The following TENT5D variants were observed in gnomAD, a reference collection of about 807,000 sequenced individuals.
TENT5D encodes cancer/testis antigen 112.
For synonymous variants in TENT5D, 103 were observed against 100.6 expected (o/e 1.02, Z -0.15); for missense variants, 191 against 287.0 (o/e 0.67, Z 2.42).
chrX:80,405,978 C>CG (rs1330056504), intron 3 of TENT5D, among the ~76,000 whole-genome samples: 1 of 108,847 alleles, frequency 9.2e-6, no homozygotes, highest in Non-Finnish European at 1.9e-5. Flanking sequence ...AGGCACCCCC[C>CG]AGCAGGGGCA....
chrX:80,354,060 A>G (rs1476587785), intron 3 of TENT5D, among the ~76,000 whole-genome samples: 1 of 111,155 alleles, frequency 9.0e-6, no homozygotes, highest in Non-Finnish European at 1.9e-5. Flanking sequence ...GCATTTTTTC[A>G]TATGCTTGCT....
intron 3 of TENT5D, among the ~76,000 whole-genome samples, chrX:80,405,413 G>T (rs952875890): frequency 9.0e-6 from 1 of 111,207 alleles, no homozygotes; most frequent in South Asian, 3.7e-4. Context: ...TGCGCGAGCC[G>T]AAGCAGGGCG....
At chrX:80,379,577 C>G (rs1380490983) in intron 3 of TENT5D, among the ~76,000 whole-genome samples, 2 of 111,110 alleles carry the variant, frequency 1.8e-5, no homozygotes, top group African/African-American at 6.5e-5. Context: ...GGCTGTGAAT[C>G]CATCTGGTCC....
At chrX:80,386,312 C>G (rs1231371592) in intron 3 of TENT5D, among the ~76,000 whole-genome samples, 1 of 110,524 alleles carries the variant, frequency 9.0e-6, no homozygotes, top group East Asian at 2.9e-4. Context: ...TCTCAGCAAA[C>G]TATCACAATG....
intron 2 of TENT5D, among the ~76,000 whole-genome samples, chrX:80,339,464 A>C (rs186997507): frequency 0.011 from 1,261 of 111,402 alleles, 12 homozygotes; most frequent in Middle Eastern, 0.028. Flanking sequence ...CTGGTGTTTT[A>C]GGTTTAATTT....
At chrX:80,423,280 G>T (rs1351561580) in intron 1 of TENT5D, among the ~76,000 whole-genome samples, 1 of 111,960 alleles carries the variant, frequency 8.9e-6, no homozygotes. Flanking sequence ...AGCAAAATAT[G>T]TAGCAGTATT....
chrX:80,431,135 G>A lies in TENT5D; in HGVS notation c.-141-7475G>A, dbSNP rs757243844. Among the ~76,000 whole-genome samples, 9 of 112,188 alleles carry A rather than the reference G, an allele frequency of 8.0e-5. No individual in the cohort carries two copies. In the East Asian group the frequency reaches 1.4e-3, roughly 18 times the overall value. ...CAATGTAGTTACATTCAGAGCATGT[G>A]CCTTAAAAGAATACAAAGATTGAAT... On this transcript the variant is annotated intron_variant, in intron 1 of 2. Transcript: ENST00000308293.
At chrX:80,380,590 G>A (rs1930842472) in intron 3 of TENT5D, among the ~76,000 whole-genome samples, 1 of 111,192 alleles carries the variant, frequency 9.0e-6, no homozygotes, top group Non-Finnish European at 1.9e-5. Context: ...TTGTGTGGGA[G>A]TCTAAGTCTC....
At chrX:80,429,685 T>G (rs750410586) in intron 1 of TENT5D, among the ~76,000 whole-genome samples, 7 of 111,322 alleles carry the variant, frequency 6.3e-5, no homozygotes, top group African/African-American at 2.0e-4. Flanking sequence ...TTCCTGGGCC[T>G]CCTCCTCCTG....
intron 3 of TENT5D, among the ~76,000 whole-genome samples, chrX:80,385,427 T>C (rs1481144831): frequency 9.0e-6 from 1 of 111,694 alleles, no homozygotes; most frequent in Non-Finnish European, 1.9e-5. Flanking sequence ...CAATTCAAGA[T>C]GGATTAAAGA....
chrX:80,386,235 A>T (rs1461278903), intron 3 of TENT5D, among the ~76,000 whole-genome samples: 1 of 112,280 alleles, frequency 8.9e-6, no homozygotes, highest in African/African-American at 3.2e-5. Flanking sequence ...ATGGAATACT[A>T]TGCAGCCATA....
intron 2 of TENT5D, among the ~76,000 whole-genome samples, chrX:80,339,986 A>C (rs1468729944): frequency 3.6e-5 from 4 of 109,981 alleles, no homozygotes; most frequent in African/African-American, 9.9e-5. Flanking sequence ...CCTTTTCAAA[A>C]CTTGAATAAT....
chrX:80,360,679 C>A (rs1930389486), intron 3 of TENT5D, among the ~76,000 whole-genome samples: 2 of 111,801 alleles, frequency 1.8e-5, no homozygotes, highest in Admixed American at 1.9e-4. Flanking sequence ...TTATGATAGT[C>A]TGTCTCCAGA....
chrX:80,364,277 TAC>T (rs930513250), intron 3 of TENT5D, among the ~76,000 whole-genome samples: 4 of 111,167 alleles, frequency 3.6e-5, no homozygotes, highest in Non-Finnish European at 7.6e-5. Flanking sequence ...TATACACCCA[TAC>T]ACACACACAC....
chrX:80,415,221 A>G (rs1401573769), intron 3 of TENT5D, among the ~76,000 whole-genome samples: 1 of 111,972 alleles, frequency 8.9e-6, no homozygotes, highest in Non-Finnish European at 1.9e-5. Flanking sequence ...TAGGTATAGA[A>G]TAATATAATC....
rs139915864 is a variant in TENT5D, at chrX:80,338,250, A to C, written c.-207+2534A>C. Among the ~76,000 whole-genome samples the C allele has an allele frequency of 7.0e-3, 781 of 111,743 alleles. 6 individuals are homozygous for C. The highest frequency in any genetic ancestry group is 0.024 in the African/African-American group (739 of 30,784). On this transcript the variant is annotated intron_variant, in intron 2 of 4. Transcript: ENST00000538312. ...GAACAGGGCTACAATAGTAGAGACA[A>C]TAGATGTAGGATCTTCCAAATTGTT...
intron 3 of TENT5D, among the ~76,000 whole-genome samples, chrX:80,397,019 C>T (rs1170931352): frequency 4.0e-5 from 3 of 75,345 alleles, no homozygotes; most frequent in South Asian, 7.1e-4. Context: ...GGCGTCTGGC[C>T]GGGGGGGGGG....
intron 2 of TENT5D, among the ~76,000 whole-genome samples, chrX:80,339,276 G>A (rs763477043): frequency 9.0e-6 from 1 of 111,442 alleles, no homozygotes; most frequent in East Asian, 2.8e-4. Flanking sequence ...TTTAGTATAA[G>A]AGTAAAATGA....
chrX:80,337,555 C>T (rs953159997), intron 2 of TENT5D, among the ~76,000 whole-genome samples: 2 of 111,193 alleles, frequency 1.8e-5, no homozygotes, highest in Non-Finnish European at 3.8e-5. Context: ...GTTCCTCAAC[C>T]AGGTTATTGT....
Sources: allele counts gnomAD v4.1 joint callset (sites outside exome capture counted in the v4.1 genomes callset), GRCh38; gene constraint gnomAD v4.1.1; transcripts MANE v1.5; gene names NCBI Gene and HGNC (gene_info 2026-07-23, HGNC 2026-07-21).